The following ATXN1 variants were observed in gnomAD, a reference collection of about 807,000 sequenced individuals.
ATXN1 encodes the protein ataxin-1.
Under a neutral mutation model 56.4 loss-of-function variants are expected in ATXN1, and 8 were observed. The ratio of observed to expected loss-of-function variants is 0.14; its 90% CI spans 0.08 to 0.26. The LOEUF (loss-of-function observed/expected upper bound fraction) is 0.26. Ranked by LOEUF, ATXN1 falls within the 10% of genes least tolerant of loss-of-function variation. The pLI, the probability that ATXN1 is intolerant of heterozygous loss-of-function variation, is 1.00. For missense variants in ATXN1, 987 were observed against 1,106.5 expected, an observed-to-expected ratio of 0.89 and a Z score of 1.53; for synonymous variants, 514 against 494.6, an observed-to-expected ratio of 1.04 and a Z score of -0.52.
At chr6:16,409,301 A>C (rs1409391077) in intron 6 of ATXN1, among the ~76,000 whole-genome samples, 4 of 152,056 alleles carry the variant, frequency 2.6e-5, no homozygotes, top group African/African-American at 7.2e-5. Context: ...AAACTAAAAA[A>C]AAAAAACCAC....
chr6:16,594,506 C>T (rs886813029), intron 3 of ATXN1, among the ~76,000 whole-genome samples: 12 of 146,490 alleles, frequency 8.2e-5, no homozygotes, highest in South Asian at 2.1e-4. Flanking sequence ...TTTTTTGAGA[C>T]GGAGTCTCAT....
chr6:16,400,874 G>A (rs920638166), intron 6 of ATXN1, among the ~76,000 whole-genome samples: 13 of 152,242 alleles, frequency 8.5e-5, no homozygotes, highest in African/African-American at 3.1e-4. Context: ...CTCCAACCCA[G>A]TAGTTCCCAC....
chr6:16,329,583 C>T (rs1760932917), intron 6 of ATXN1, among the ~76,000 whole-genome samples: 1 of 152,194 alleles, frequency 6.6e-6, no homozygotes, highest in Admixed American at 6.5e-5. Context: ...AGGGCTAGTG[C>T]ACTGAATGTT....
At chr6:16,321,459 C>G (rs1258174337) in intron 7 of ATXN1, among the ~76,000 whole-genome samples, 2 of 152,200 alleles carry the variant, frequency 1.3e-5, no homozygotes. Context: ...TCCTTTGGTG[C>G]ACGCAGTAAC....
chr6:16,615,729 A>G (rs1763194659), intron 3 of ATXN1: 2 of 151,706 alleles, frequency 1.3e-5, no homozygotes, highest in African/African-American at 4.8e-5. Context: ...AAAGTTAAAA[A>G]CAAGAGTCAA....
intron 4 of ATXN1, among the ~76,000 whole-genome samples, chr6:16,549,233 A>G (rs1449202712): frequency 6.6e-6 from 1 of 152,214 alleles, no homozygotes; most frequent in Admixed American, 6.5e-5. Flanking sequence ...GCATAAACCA[A>G]TAACAGTTGT....
chr6:16,602,731 T>A (rs144753607), intron 3 of ATXN1, among the ~76,000 whole-genome samples: 87 of 152,298 alleles, frequency 5.7e-4, no homozygotes, highest in East Asian at 5.4e-3. Context: ...ATTACAGGCG[T>A]GAGCCACTGA....
chr6:16,469,894 C>A lies in ATXN1; in HGVS notation c.-161+16078G>T, dbSNP rs1015096011. Among the ~76,000 whole-genome samples the A allele has an allele frequency of 3.4e-5, 5 of 147,704 alleles. No individual in the cohort carries two copies. The South Asian group carries it at 1.1e-3, about 32-fold the overall frequency. On this transcript the variant is annotated intron_variant, in intron 6 of 7. Transcript: ENST00000436367. ...AACAGAATTGCTTGAACCTGGGAGG[C>A]AGAGGTTTTGAGCCGAGATCACACC...
In ATXN1 at chr6:16,377,531, G is replaced by A. The variant is rs143742095; in HGVS notation, c.-160-49061C>T. 1.3e-3 allele frequency among the ~76,000 whole-genome samples: 202 copies of A among 152,218 alleles called. 1 individual carries two copies. Among genetic ancestry groups the A allele is most frequent in the African/African-American group, 4.4e-3 (181 of 41,538 alleles). ...GGTCAGAGCTGAACAGGCTACAGCC[G>A]CTGTTCACCAAGAGCCCATGGTCTC... On this transcript the variant is annotated intron_variant, in intron 6 of 7. Coordinates refer to ENST00000436367, the MANE Select transcript of ATXN1 (RefSeq NM_001128164.2).
intron 6 of ATXN1, among the ~76,000 whole-genome samples, chr6:16,453,321 C>T (rs923380889): frequency 7.9e-5 from 12 of 152,142 alleles, no homozygotes; most frequent in Admixed American, 3.9e-4. Flanking sequence ...ATTAGCTGGG[C>T]GTAGTGGCAG....
chr6:16,524,752 T>C (rs1188274581), intron 4 of ATXN1, among the ~76,000 whole-genome samples: 1 of 151,314 alleles, frequency 6.6e-6, no homozygotes, highest in African/African-American at 2.5e-5. Flanking sequence ...TTTGGTGACT[T>C]AATAATTTGC....
intron 3 of ATXN1, among the ~76,000 whole-genome samples, chr6:16,636,849 T>C (rs1763606116): frequency 6.6e-6 from 1 of 152,138 alleles, no homozygotes; most frequent in African/African-American, 2.4e-5. Context: ...AGGAACTCTT[T>C]GAAAAAGGAA....
chr6:16,374,852 G>A (rs574065890), intron 6 of ATXN1, among the ~76,000 whole-genome samples: 26 of 152,326 alleles, frequency 1.7e-4, no homozygotes, highest in Admixed American at 6.5e-4. Flanking sequence ...TTACCTGCAC[G>A]CATTCTTACA....
intron 1 of ATXN1, among the ~76,000 whole-genome samples, chr6:16,757,262 G>A (rs901227636): frequency 6.6e-6 from 1 of 152,116 alleles, no homozygotes; most frequent in African/African-American, 2.4e-5. Flanking sequence ...AACGAAATCC[G>A]CAAGGAAAAA....
At chr6:16,569,413 G>A (rs1418343619) in intron 4 of ATXN1, among the ~76,000 whole-genome samples, 1 of 151,410 alleles carries the variant, frequency 6.6e-6, no homozygotes, top group Non-Finnish European at 1.5e-5. Context: ...TGTAATCCTA[G>A]CTACTGGGGA....
intron 7 of ATXN1, among the ~76,000 whole-genome samples, chr6:16,320,857 G>A (rs946143448): frequency 6.6e-6 from 1 of 152,150 alleles, no homozygotes; most frequent in African/African-American, 2.4e-5. Flanking sequence ...TGCTCGCCTC[G>A]GCCACTCGCG....
At chr6:16,535,553 A>G (rs979732413) in intron 4 of ATXN1, among the ~76,000 whole-genome samples, 1 of 152,226 alleles carries the variant, frequency 6.6e-6, no homozygotes, top group Non-Finnish European at 1.5e-5. Flanking sequence ...ATAAACACCC[A>G]TGAGTTCATA....
intron 2 of ATXN1, among the ~76,000 whole-genome samples, chr6:16,694,939 G>T (rs574494304): frequency 6.6e-6 from 1 of 152,172 alleles, no homozygotes; most frequent in Non-Finnish European, 1.5e-5. Flanking sequence ...TTCAGTAAGT[G>T]ATTTCACTTC....
intron 2 of ATXN1, among the ~76,000 whole-genome samples, chr6:16,730,979 T>C (rs907960858): frequency 1.3e-5 from 2 of 152,160 alleles, no homozygotes; most frequent in Admixed American, 6.5e-5. Context: ...ATTGACAAGA[T>C]AGAAGGAAGA....
Sources: gnomAD v4.1 joint callset for allele counts (sites outside exome capture counted in the v4.1 genomes callset) on GRCh38, gnomAD v4.1.1 for gene constraint, MANE v1.5 for transcripts, NCBI Gene and HGNC (gene_info 2026-07-23, HGNC 2026-07-21) for gene names.